The following S1PR5 variants were observed in gnomAD, a reference collection of about 807,000 sequenced individuals.
The protein encoded by S1PR5 is sphingosine-1-phosphate receptor 5, also known as sphingosine 1-phosphate receptor 5.
For synonymous variants in S1PR5, 307 were observed against 284.7 expected (o/e 1.08, Z -0.79); for missense variants, 583 against 571.7 (o/e 1.02, Z -0.20).
At chr19:10,517,616 C>A (rs1915470226), upstream of S1PR5, 2 of 985,092 alleles carry the variant, frequency 2.0e-6, no homozygotes, top group South Asian at 9.4e-5. Context: ...CGCGCCCCGG[C>A]GGCGACTGGC....
rs556551585 is a variant in S1PR5 at position 10,513,955 on chromosome 19, G to A, written c.1057C>T (p.Pro353Ser). 7 of 1,598,664 alleles carry A rather than the reference G, an allele frequency of 4.4e-6. No homozygotes were observed. The highest frequency in any genetic ancestry group is 1.7e-5 in the Admixed American group (1 of 57,752). Residue 353 changes from proline (P) to serine (S), a missense_variant, in exon 2 of 2, where the codon CCC (proline) becomes TCC (serine). By Grantham distance (74) the Pro-to-Ser change is moderately conservative. Coordinates refer to ENST00000333430, the MANE Select transcript of S1PR5 (RefSeq NM_030760.5). The part of the protein sequence containing the change: ...EASGGLRRCL[P>S]PGLDGSFSGS... ...CTGAAGCTCCCATCAAGGCCCGGGG[G>A]CAGGCAGCGGCGCAGGCCCCCGGAA...
In S1PR5 at chr19:10,515,015, CCG is replaced by C. The variant is rs534220387; in HGVS notation, c.-6_-5del. 785 of 1,548,240 alleles carry C rather than the reference CCG, an allele frequency of 5.1e-4. 12 individuals carry two copies. The South Asian group carries it at 9.0e-3, about 18-fold the overall frequency. On this transcript the variant is annotated 5_prime_UTR_variant, in exon 2 of 2. Coordinates refer to ENST00000333430, the MANE Select transcript of S1PR5 (RefSeq NM_030760.5). ...GCCGCAGCAGCCCCGACTCCATGGG[CCG>C]CGCGCCCCAAGGCTGTTGGAGAGGC...
At chr19:10,515,379 A>AG (rs755106721) in intron 1 of S1PR5, among the ~76,000 whole-genome samples, 3 of 151,954 alleles carry the variant, frequency 2.0e-5, no homozygotes, top group Admixed American at 1.3e-4. Flanking sequence ...TGGGAGGCCA[A>AG]GGGGGGCAGA....
At chr19:10,516,817 C>G (rs1257067202) in intron 1 of S1PR5, among the ~76,000 whole-genome samples, 1 of 152,100 alleles carries the variant, frequency 6.6e-6, no homozygotes, top group East Asian at 1.9e-4. Context: ...AAAACTGAAG[C>G]TCAAAAGAAA....
At position 10,514,816 on chromosome 19, in the gene S1PR5, G is replaced by A. The variant is rs1477515867; in HGVS notation, c.196C>T (p.Arg66Cys). ...AGCAGGAACATGGGAGCGTGGAAGC[G>A]CGGGTGGCGTCCGAGCACCAACAAC... is the stretch of plus-strand genomic sequence containing the variant. ...AVLLVLGRHP[R>C]FHAPMFLLLG... Residue 66 changes from arginine (R) to cysteine (C), a missense_variant, in exon 2 of 2, where the codon CGC (arginine) becomes TGC (cysteine). Transcript: ENST00000333430. 1.2e-6 allele frequency: 2 copies of A among 1,613,038 alleles called. No homozygotes were observed. The highest frequency in any genetic ancestry group is 3.3e-5 in the Admixed American group (2 of 59,922).
chr19:10,516,304 C>T (rs1460005229), intron 1 of S1PR5, among the ~76,000 whole-genome samples: 1 of 152,086 alleles, frequency 6.6e-6, no homozygotes, highest in African/African-American at 2.4e-5. Context: ...ACCCAAAACC[C>T]CATGAGAAAG....
intron 1 of S1PR5, among the ~76,000 whole-genome samples, chr19:10,515,708 G>A (rs1915423536): frequency 1.3e-5 from 2 of 151,908 alleles, no homozygotes; most frequent in African/African-American, 2.4e-5. Context: ...CGGGAGGATT[G>A]TTTGAGGCCC....
chr19:10,517,280 G>A (rs1915461382), intron 1 of S1PR5, 118 bp downstream of exon 1: 1 of 792,084 alleles, frequency 1.3e-6, no homozygotes, highest in Non-Finnish European at 1.5e-6. Context: ...GGAAAAGTTC[G>A]GAGAACTCCC....
chr19:10,513,353 C>T lies in S1PR5; in HGVS notation c.*462G>A. ...GAACTACTCCTTCAGCTCCTTGTCT[C>T]CTCCCATTCTCCCCCTCCGTCCCTG... On this transcript the variant is annotated 3_prime_UTR_variant, in exon 2 of 2. Transcript: ENST00000333430. 2.5e-6 allele frequency: 1 copy of T among 400,398 alleles called. No homozygotes were observed. 24.8% of individuals were successfully genotyped at this position (400,398 alleles called of 1,614,324 possible). A position where few individuals can be genotyped will look rare whatever the true frequency, so the allele number is the denominator to read the frequency against.
chr19:10,513,519 A>G lies in S1PR5; in HGVS notation c.*296T>C, dbSNP rs1915335494. The G allele has an allele frequency of 1.8e-6, 1 of 560,668 alleles. No homozygotes were observed. The highest frequency in any genetic ancestry group is 3.1e-6 in the Non-Finnish European group (1 of 321,846). The allele number at this position is 560,668 out of a possible 1,614,324, so 34.7% of individuals were successfully genotyped here. A position where few individuals can be genotyped will look rare whatever the true frequency, so the allele number is the denominator to read the frequency against. ...GACAGAGGTCTCAGCTCACATCACA[A>G]GTCACTACCTCTGCAGAGAGGTCTT... On this transcript the variant is annotated 3_prime_UTR_variant, in exon 2 of 2. Transcript: ENST00000333430.
At chr19:10,516,364 G>T (rs1253199987) in intron 1 of S1PR5, among the ~76,000 whole-genome samples, 1 of 152,050 alleles carries the variant, frequency 6.6e-6, no homozygotes, top group Non-Finnish European at 1.5e-5. Context: ...CCAGCACTTT[G>T]GGAGGCCGAG....
At position 10,514,331 on chromosome 19, in the gene S1PR5, C is replaced by A. The variant is rs1264712711; in HGVS notation, c.681G>T (p.Pro227=). Residue 227 remains proline, a synonymous_variant, in exon 2 of 2, where the codon CCG becomes CCT. Transcript: ENST00000333430. ...CQVRANARRL[P]ARPGTAGTTS... is the part of the protein sequence containing the mutation. The stretch of plus-strand genomic sequence containing the variant: ...TGGTCCCCGCAGTCCCGGGCCGTGC[C>A]GGCAGGCGCCGCGCGTTGGCGCGTA... 1 of 1,563,662 alleles carries A rather than the reference C, an allele frequency of 6.4e-7. No homozygotes were observed. The highest frequency in any genetic ancestry group is 8.7e-7 in the Non-Finnish European group (1 of 1,155,670).
Position 10,514,479 on chromosome 19 carries a change from C to A in S1PR5, c.533G>T (p.Arg178Leu), listed in dbSNP as rs771573647. Residue 178 changes from arginine to leucine, a missense_variant, in exon 2 of 2, where the codon CGC becomes CTC. By Grantham distance (102) the Arg-to-Leu change is moderately radical. Transcript: ENST00000333430. Reference protein sequence around the residue: ...LPALGWNCLGRLDACSTVLPL... With the variant: ...LPALGWNCLGLLDACSTVLPL... The stretch of plus-strand genomic sequence containing the variant: ...CAAGACAGTGGAGCAAGCGTCCAGG[C>A]GACCCAGGCAATTCCAGCCCAGCGC... The A allele has an allele frequency of 1.0e-5, 16 of 1,606,170 alleles. No individual in the cohort carries two copies. Among genetic ancestry groups the A allele is most frequent in the East Asian group, 2.2e-5 (1 of 44,584 alleles).
At chr19:10,517,733 G>A (rs1484102360), upstream of S1PR5, 2 of 982,474 alleles carry the variant, frequency 2.0e-6, no homozygotes, top group Non-Finnish European at 2.4e-6. Context: ...TTCTGCAGCA[G>A]GGCGGTCGCA....
rs1915318295 is a variant in S1PR5 at position 10,512,976 on chromosome 19, T to C, written c.*839A>G. ...ATAAAAAAGAAATTTTATTACCAGA[T>C]AGGATTTGGCTGAGTCTCCCAGAGT... On this transcript the variant is annotated 3_prime_UTR_variant, in exon 2 of 2. Coordinates refer to ENST00000333430, the MANE Select transcript of S1PR5 (RefSeq NM_030760.5). 1 of 151,890 alleles carries C rather than the reference T, an allele frequency of 6.6e-6. No homozygotes were observed. Among genetic ancestry groups the C allele is most frequent in the African/African-American group, 2.4e-5 (1 of 41,288 alleles). 9.4% of individuals were successfully genotyped at this position (151,890 alleles called of 1,614,324 possible).
At position 10,512,925 on chromosome 19, in the gene S1PR5, A is replaced by AAAAAAAAAGAAAG. The variant is rs1555742591; in HGVS notation, c.*889_*890insCTTTCTTTTTTTT. 1 of 126,262 alleles carries AAAAAAAAAGAAAG rather than the reference A, an allele frequency of 7.9e-6. No homozygotes were observed. Among genetic ancestry groups the AAAAAAAAAGAAAG allele is most frequent in the Non-Finnish European group, 1.6e-5 (1 of 61,378 alleles). 7.8% of individuals were successfully genotyped at this position (126,262 alleles called of 1,614,324 possible). ...ACAAGATCCCAACTCAAAAAAAAAA[A>AAAAAAAAAGAAAG]AAAGAAAGAAAGAAAGAAAAGAAAA... On this transcript the variant is annotated 3_prime_UTR_variant, in exon 2 of 2. Coordinates refer to ENST00000333430, the MANE Select transcript of S1PR5 (RefSeq NM_030760.5).
chr19:10,514,019 G>A lies in S1PR5; in HGVS notation c.993C>T (p.Asp331=), dbSNP rs745523610. The A allele has an allele frequency of 1.9e-6, 3 of 1,609,572 alleles. No individual in the cohort carries two copies. The highest frequency in any genetic ancestry group is 2.2e-5 in the East Asian group (1 of 44,810). Residue 331 remains aspartate, a synonymous_variant, in exon 2 of 2, where the codon GAC becomes GAT. Coordinates refer to ENST00000333430, the MANE Select transcript of S1PR5 (RefSeq NM_030760.5). ...VCCGRHSCGR[D]PSGSQQSASA... ...TCGCCGACTGCTGGGAGCCACTCGG[G>A]TCTCTGCCGCAGGAGTGGCGTCCGC...
chr19:10,513,595 T>C lies in S1PR5; in HGVS notation c.*220A>G. 1 of 631,616 alleles carries C rather than the reference T, an allele frequency of 1.6e-6. No homozygotes were observed. The highest frequency in any genetic ancestry group is 2.7e-6 in the Non-Finnish European group (1 of 375,350). 39.1% of individuals were successfully genotyped at this position (631,616 alleles called of 1,614,324 possible). ...CGTTTGTCACTGGAATCATCTCCAT[T>C]ATTTCATCACCGAGTTCTTTTCTGT... On this transcript the variant is annotated 3_prime_UTR_variant, in exon 2 of 2. Coordinates refer to ENST00000333430, the MANE Select transcript of S1PR5 (RefSeq NM_030760.5).
At position 10,513,041 on chromosome 19, in the gene S1PR5, A is replaced by G. The variant is rs1915320243; in HGVS notation, c.*774T>C. The G allele has an allele frequency of 6.6e-6, 1 of 152,346 alleles. No individual in the cohort carries two copies. The highest frequency in any genetic ancestry group is 1.9e-4 in the East Asian group (1 of 5,206). 9.4% of individuals were successfully genotyped at this position (152,346 alleles called of 1,614,324 possible). On this transcript the variant is annotated 3_prime_UTR_variant, in exon 2 of 2. Transcript: ENST00000333430. ...CCCCACCCTTGGCATTGTCCTTGAT[A>G]ACTTTATTCCACTCTTACACTCAAT...
Sources: allele counts gnomAD v4.1 joint callset (sites outside exome capture counted in the v4.1 genomes callset), GRCh38; gene constraint gnomAD v4.1.1; transcripts MANE v1.5; gene names NCBI Gene and HGNC (gene_info 2026-07-23, HGNC 2026-07-21).